The following PTDSS2 variants were observed in gnomAD, a reference collection of about 807,000 sequenced individuals.
PTDSS2 encodes PSS-2.
Under a neutral mutation model 64.7 loss-of-function variants are expected in PTDSS2, and 41 were observed. The observed-to-expected ratio is 0.63, with a 90% CI of 0.49 to 0.82. The LOEUF (loss-of-function observed/expected upper bound fraction) is 0.82. PTDSS2 is among the 40% of genes least tolerant of loss of function. The pLI, the probability that PTDSS2 is intolerant of heterozygous loss-of-function variation, is 0.00. For synonymous variants in PTDSS2, 297 were observed against 277.8 expected (o/e 1.07, Z -0.69); for missense variants, 485 against 650.0 (o/e 0.75, Z 2.76).
chr11:449,359 C>A (rs537796969), upstream of PTDSS2, among the ~76,000 whole-genome samples: 1 of 152,354 alleles, frequency 6.6e-6, no homozygotes, highest in South Asian at 2.1e-4. Context: ...TGCGCCGCCG[C>A]GCCCGGCCTG....
rs1319746958 is a variant in PTDSS2 at position 490,053 on chromosome 11, G to A, written c.1286G>A (p.Trp429Ter). Residue 429 changes from tryptophan to a stop codon, truncating the protein, a stop_gained, in exon 11 of 12, where the codon TGG becomes TAG. Transcript: ENST00000308020. LOFTEE classifies it low-confidence loss of function (END_TRUNC). ...GSVLALTWTV[W>*]RFFLRDITLR... is the part of the protein sequence containing the mutation. ...GTCCTGGCGCTCACCTGGACCGTCT[G>A]GCGCTTCTTCCTGCGGTGAGTCAGG... 6.2e-7 allele frequency: 1 copy of A among 1,608,228 alleles called. No individual in the cohort carries two copies. Among genetic ancestry groups the A allele is most frequent in the Admixed American group, 1.7e-5 (1 of 59,944 alleles).
chr11:463,444 AT>A lies in PTDSS2; in HGVS notation c.284+3172del, dbSNP rs772603614. 8.6e-3 allele frequency: 1,067 copies of A among 124,440 alleles called. 3 individuals are homozygous for A. Among genetic ancestry groups the A allele is most frequent in the Non-Finnish European group, 0.011 (607 of 57,630 alleles). 7.7% of individuals were successfully genotyped at this position (124,440 alleles called of 1,614,324 possible). Reference sequence around the variant, plus strand: ...GTTTCACCGTGTTAGCCAGGTTGGAATTTTTTTTTTTTTTTTGGTCAATGTT... The same window carrying A: ...GTTTCACCGTGTTAGCCAGGTTGGAATTTTTTTTTTTTTTTGGTCAATGTT... On this transcript the variant is annotated intron_variant, in intron 2 of 11. Transcript: ENST00000308020.
At chr11:456,708 T>C (rs567990561) in intron 1 of PTDSS2, among the ~76,000 whole-genome samples, 10 of 152,260 alleles carry the variant, frequency 6.6e-5, no homozygotes, top group Admixed American at 2.6e-4. Flanking sequence ...GGTCGCCGAA[T>C]CCAGGCACCC....
intron 6 of PTDSS2, 132 bp downstream of exon 6, chr11:487,602 C>G: frequency 1.2e-6 from 1 of 849,950 alleles, no homozygotes; most frequent in African/African-American, 1.7e-5. Flanking sequence ...CTGCAGCCAC[C>G]CAGAGGTTCG....
chr11:485,468 G>GGC (rs1848307891), intron 4 of PTDSS2, among the ~76,000 whole-genome samples: 2 of 138,212 alleles, frequency 1.4e-5, no homozygotes, highest in Admixed American at 7.4e-5. Flanking sequence ...ACAGTGCACG[G>GGC]GTGTGTGTGC....
At chr11:475,954 A>G (rs1242961084) in intron 3 of PTDSS2, among the ~76,000 whole-genome samples, 1 of 152,260 alleles carries the variant, frequency 6.6e-6, no homozygotes, top group Admixed American at 6.5e-5. Flanking sequence ...ATTAAAGGGC[A>G]TACACAGTTT....
chr11:450,675 C>T, intron 1 of PTDSS2, 38 bp downstream of exon 1: 2 of 1,240,866 alleles, frequency 1.6e-6, no homozygotes, highest in South Asian at 4.1e-5. Context: ...GCGAGGGTGC[C>T]CTCGACCTGG....
At chr11:474,704 A>C (rs1210102847) in intron 3 of PTDSS2, among the ~76,000 whole-genome samples, 1 of 152,258 alleles carries the variant, frequency 6.6e-6, no homozygotes, top group Non-Finnish European at 1.5e-5. Flanking sequence ...CTGAGTGGCC[A>C]CACGAAGTAA....
At chr11:481,065 C>T (rs1451674412) in intron 4 of PTDSS2, among the ~76,000 whole-genome samples, 1 of 149,212 alleles carries the variant, frequency 6.7e-6, no homozygotes, top group Non-Finnish European at 1.5e-5. Flanking sequence ...GCCTGGGCAA[C>T]AGAGCGAGAC....
At chr11:456,136 T>G (rs2133757206) in intron 1 of PTDSS2, among the ~76,000 whole-genome samples, 1 of 151,994 alleles carries the variant, frequency 6.6e-6, no homozygotes, top group East Asian at 1.9e-4. Flanking sequence ...CTGCTTGTTG[T>G]TTTGGTTTTT....
intron 1 of PTDSS2, among the ~76,000 whole-genome samples, chr11:453,538 C>T (rs2133750862): frequency 6.6e-6 from 1 of 152,316 alleles, no homozygotes; most frequent in Non-Finnish European, 1.5e-5. Context: ...TGTGAGGTGA[C>T]CTCTGACCTT....
intron 1 of PTDSS2, 61 bp downstream of exon 1, chr11:450,698 C>T: frequency 8.2e-7 from 1 of 1,223,336 alleles, no homozygotes. Context: ...GTTCCGGCAC[C>T]GCTGGCCTGG....
rs1319523674 is a variant in PTDSS2, at chr11:470,307, G to A, written c.285-3588G>A. Among the ~76,000 whole-genome samples, 1 of 152,204 alleles carries A rather than the reference G, an allele frequency of 6.6e-6. No individual in the cohort carries two copies. Among genetic ancestry groups the A allele is most frequent in the South Asian group, 2.1e-4 (1 of 4,836 alleles). ...CTCCCAACCCCGACGACCCCAGCCCGGCCATGCAGAGGCATAGTCGACCAT... is the reference window on the plus strand; with the variant it reads ...CTCCCAACCCCGACGACCCCAGCCCAGCCATGCAGAGGCATAGTCGACCAT... On this transcript the variant is annotated intron_variant, in intron 2 of 11. Coordinates refer to ENST00000308020, the MANE Select transcript of PTDSS2 (RefSeq NM_030783.3). The surrounding 1 kb of genome is among the most constrained non-coding windows in gnomAD (Gnocchi z 5.3).
Position 475,289 on chromosome 11 carries a change from C to T in PTDSS2, c.367+1312C>T, listed in dbSNP as rs112728839. On this transcript the variant is annotated intron_variant, in intron 3 of 11. Coordinates refer to ENST00000308020, the MANE Select transcript of PTDSS2 (RefSeq NM_030783.3). Reference sequence around the variant, plus strand: ...CGTTTGTGATACGGCCATATTCACGCGTTTGTGTGATACGGCCATATTCAC... The same window carrying T: ...CGTTTGTGATACGGCCATATTCACGTGTTTGTGTGATACGGCCATATTCAC... Among the ~76,000 whole-genome samples the T allele has an allele frequency of 8.7e-3, 1,294 of 148,688 alleles. 21 individuals are homozygous for T. The highest frequency in any genetic ancestry group is 0.029 in the African/African-American group (1,171 of 40,362).
Position 462,641 on chromosome 11 carries a change from C to G in PTDSS2, c.284+2353C>G, listed in dbSNP as rs1846943999. Among the ~76,000 whole-genome samples the G allele has an allele frequency of 6.6e-6, 1 of 152,180 alleles. No homozygotes were observed. The highest frequency in any genetic ancestry group is 6.5e-5 in the Admixed American group (1 of 15,290). On this transcript the variant is annotated intron_variant, in intron 2 of 11. Coordinates refer to ENST00000308020, the MANE Select transcript of PTDSS2 (RefSeq NM_030783.3). This position sits in a 1 kb window ranked among gnomAD's most constrained non-coding sequence, Gnocchi z 4.5. ...TTCCAGTGAAATTGCCGTGGTGCAC[C>G]TGTCCTGAGTCCATTCTCATGGCCT... is the stretch of plus-strand genomic sequence containing the variant.
At chr11:464,083 A>G (rs777462208) in intron 2 of PTDSS2, among the ~76,000 whole-genome samples, 10 of 151,580 alleles carry the variant, frequency 6.6e-5, no homozygotes, top group African/African-American at 1.5e-4. Flanking sequence ...CCCAGGTTCA[A>G]TCAGTTCTTG....
chr11:489,301 A>C (rs563081966), intron 8 of PTDSS2, 99 bp from the exon 9 acceptor site: 30 of 987,096 alleles, frequency 3.0e-5, no homozygotes, highest in Non-Finnish European at 4.5e-5. Context: ...CCGATGGCAC[A>C]GGGCGGGGCC....
Position 489,649 on chromosome 11 carries a change from A to G in PTDSS2, c.1031A>G (p.His344Arg). 5 of 1,600,268 alleles carry G rather than the reference A, an allele frequency of 3.1e-6. No individual in the cohort carries two copies. Among genetic ancestry groups the G allele is most frequent in the Non-Finnish European group, 4.3e-6 (5 of 1,173,384 alleles). The change falls in exon 10 of 12, where the codon CAC (histidine) becomes CGC (arginine). Residue 344 changes from histidine (H) to arginine (R), a missense_variant. Physicochemically the swap from His to Arg is conservative, Grantham distance 29. Coordinates refer to ENST00000308020, the MANE Select transcript of PTDSS2 (RefSeq NM_030783.3). ...LKFVLWMPPE[H>R]YLVLLRLVFF... ...TTTGTGCTGTGGATGCCCCCGGAGCACTACCTGGTCCTCCTGCGGCTCGTC... is the reference window on the plus strand; with the variant it reads ...TTTGTGCTGTGGATGCCCCCGGAGCGCTACCTGGTCCTCCTGCGGCTCGTC...
chr11:482,555 C>T lies in PTDSS2; in HGVS notation c.435+3403C>T, dbSNP rs535964746. Among the ~76,000 whole-genome samples the T allele has an allele frequency of 2.0e-4, 30 of 152,302 alleles. No homozygotes were observed. In the South Asian group the frequency reaches 5.4e-3, roughly 27 times the overall value. ...TCTCAAACTCCTGAGCTCAAGCGGT[C>T]TGACCCCTTTGGCCTCCCAAAGTGC... On this transcript the variant is annotated intron_variant, in intron 4 of 11. Coordinates refer to ENST00000308020, the MANE Select transcript of PTDSS2 (RefSeq NM_030783.3).
Sources: gnomAD v4.1 joint callset for allele counts (sites outside exome capture counted in the v4.1 genomes callset) on GRCh38, gnomAD v4.1.1 for gene constraint, Gnocchi (gnomAD v3.1) non-coding constraint, MANE v1.5 for transcripts, NCBI Gene and HGNC (gene_info 2026-07-23, HGNC 2026-07-21) for gene names.